Variants in ANKRD23 observed in about 807,000 individuals in gnomAD.
ANKRD23 encodes the protein ankyrin repeat domain 23.
In ANKRD23, 52 loss-of-function variants were observed where a neutral mutation model predicts 38.1. The observed-to-expected ratio is 1.36, with a 90% CI of 1.09 to 1.72. ANKRD23 has a LOEUF of 1.72. Ranked by LOEUF, ANKRD23 falls within the 40% of genes most tolerant of loss-of-function variation. ANKRD23 has a pLI of 0.00. For synonymous variants in ANKRD23, 167 were observed against 162.9 expected (o/e 1.03, Z -0.19); for missense variants, 416 against 400.2 (o/e 1.04, Z -0.34).
At position 96,838,291 on chromosome 2, in the gene ANKRD23, C is replaced by T; in HGVS notation, c.*1258G>A. 1.1e-6 allele frequency: 1 copy of T among 936,154 alleles called. No homozygotes were observed. The highest frequency in any genetic ancestry group is 1.3e-6 in the Non-Finnish European group (1 of 782,912). 58.0% of individuals were successfully genotyped at this position (936,154 alleles called of 1,614,324 possible). ...CTGAGCCTTCACCTTTCAGCCCTTC[C>T]CTCAGCATGTGGTTCTCAGTTTAGG... On this transcript the variant is annotated 3_prime_UTR_variant, in exon 9 of 9. Coordinates refer to ENST00000318357, the MANE Select transcript of ANKRD23 (RefSeq NM_144994.8).
In ANKRD23 at chr2:96,842,085, G is replaced by T; in HGVS notation, c.275C>A (p.Pro92His). 1.2e-6 allele frequency: 2 copies of T among 1,614,122 alleles called. No homozygotes were observed. The highest frequency in any genetic ancestry group is 3.3e-5 in the Admixed American group (2 of 60,022). The change falls in exon 3 of 9, where the codon CCC becomes CAC. Residue 92 changes from proline (P) to histidine (H), a missense_variant. Pro to His is a moderately conservative substitution (Grantham distance 77). Transcript: ENST00000318357. ...CTTAACCAGGGGCTCAGGTTTCCTG[G>T]GGGGGACTCTGTGTCTCAGTCGCTT... is the stretch of plus-strand genomic sequence containing the variant. The part of the protein sequence containing the change: ...RKKRLRHRVP[P>H]RKPEPLVKPQ...
In ANKRD23 at chr2:96,842,403, G is replaced by C. The variant is rs139314354; in HGVS notation, c.136C>G (p.Arg46Gly). Residue 46 changes from arginine to glycine, a missense_variant, in exon 2 of 9, where the codon CGG becomes GGG. Physicochemically the swap from Arg to Gly is moderately radical, Grantham distance 125. Transcript: ENST00000318357. ...TCTTCTTCCAATTTCAGCTTCTCCC[G>C]GGCCACAGCCTCTTGGGGGCCCCTC... is the stretch of plus-strand genomic sequence containing the variant. Reference protein sequence around the residue: ...WRRGPQEAVAREKLKLEEEKK... With the variant: ...WRRGPQEAVAGEKLKLEEEKK... 1.9e-6 allele frequency: 3 copies of C among 1,581,940 alleles called. No homozygotes were observed. Among genetic ancestry groups the C allele is most frequent in the Non-Finnish European group, 2.6e-6 (3 of 1,163,610 alleles).
rs944334849 is a variant in ANKRD23, at chr2:96,839,531, C to CG, written c.*17dup. ...AATGGTGGCAGTGCGAAAGGCGCGG[C>CG]GGGGGGCGGTGCTGCGGTCAGCACC... On this transcript the variant is annotated 3_prime_UTR_variant, in exon 9 of 9. Transcript: ENST00000318357. 11 of 1,427,954 alleles carry CG rather than the reference C, an allele frequency of 7.7e-6. No individual in the cohort carries two copies. Among genetic ancestry groups the CG allele is most frequent in the Middle Eastern group, 2.6e-4 (1 of 3,858 alleles). 88.5% of individuals were successfully genotyped at this position (1,427,954 alleles called of 1,614,324 possible). A position where few individuals can be genotyped will look rare whatever the true frequency, so the allele number is the denominator to read the frequency against.
intron 3 of ANKRD23, 83 bp from the exon 4 acceptor site, chr2:96,840,995 G>T: frequency 6.5e-7 from 1 of 1,550,240 alleles, no homozygotes; most frequent in Admixed American, 1.8e-5. Flanking sequence ...TCTGGCCCAC[G>T]GGTCCCATGC....
intron 1 of ANKRD23, among the ~76,000 whole-genome samples, 166 bp downstream of exon 1, chr2:96,843,799 CA>C (rs2079786177): frequency 6.6e-6 from 1 of 152,128 alleles, no homozygotes; most frequent in Non-Finnish European, 1.5e-5. Context: ...GGCAACACAG[CA>C]AGACTCCGTT....
chr2:96,839,596 G>T lies in ANKRD23; in HGVS notation c.871C>A (p.Arg291=). ...QLARDWQRGI[R]EALQAHVAHP... ...GCCACGTGGGCCTGCAGGGCCTCCC[G>T]GATGCCGCGCTGCCAGTCTCGAGCC... Residue 291 remains arginine, a synonymous_variant, in exon 9 of 9, where the codon CGG becomes AGG. Coordinates refer to ENST00000318357, the MANE Select transcript of ANKRD23 (RefSeq NM_144994.8). The T allele has an allele frequency of 6.7e-7, 1 of 1,486,072 alleles. No homozygotes were observed. Among genetic ancestry groups the T allele is most frequent in the Admixed American group, 2.4e-5 (1 of 42,286 alleles). The allele number at this position is 1,486,072 out of a possible 1,614,324, so 92.1% of individuals were successfully genotyped here.
At position 96,839,563 on chromosome 2, in the gene ANKRD23, G is replaced by A. The variant is rs533331557; in HGVS notation, c.904C>T (p.Arg302Cys). 297 of 1,462,252 alleles carry A rather than the reference G, an allele frequency of 2.0e-4. 1 individual carries two copies. The South Asian group carries it at 3.5e-3, about 17-fold the overall frequency. The allele number at this position is 1,462,252 out of a possible 1,614,324, so 90.6% of individuals were successfully genotyped here. ...EALQAHVAHPRTRC is the reference protein window; with the variant it reads ...EALQAHVAHPCTRC ...CGGTGCTGCGGTCAGCACCGGGTGC[G>A]GGGATGCGCCACGTGGGCCTGCAGG... The change falls in exon 9 of 9, where the codon CGC becomes TGC. Residue 302 changes from arginine to cysteine, a missense_variant. Transcript: ENST00000318357.
chr2:96,843,817 A>C (rs995022789), intron 1 of ANKRD23, 149 bp downstream of exon 1: 6 of 808,650 alleles, frequency 7.4e-6, no homozygotes, highest in Non-Finnish European at 1.1e-5. Context: ...CGTTTCAAAA[A>C]ATACAGATTT....
At chr2:96,842,039 T>A (rs2079767588) in intron 3 of ANKRD23, 21 bp downstream of exon 3, 1 of 1,613,198 alleles carries the variant, frequency 6.2e-7, no homozygotes, top group Admixed American at 1.7e-5. Flanking sequence ...TGCACTGCCC[T>A]AACCCCGACC....
intron 1 of ANKRD23, 152 bp from the exon 2 acceptor site, chr2:96,842,663 G>A: frequency 3.1e-6 from 3 of 970,920 alleles, no homozygotes; most frequent in Non-Finnish European, 2.9e-6. Flanking sequence ...CTGCAGTCCA[G>A]AGTGCTGGCA....
chr2:96,839,805 G>A lies in ANKRD23; in HGVS notation c.744C>T (p.His248=), dbSNP rs1431281861. The A allele has an allele frequency of 1.8e-5, 29 of 1,612,932 alleles. No individual in the cohort carries two copies. Among genetic ancestry groups the A allele is most frequent in the Non-Finnish European group, 2.4e-5 (28 of 1,179,844 alleles). ...AQDKEGDTAL[H]EAVRHGSYKA... ...TGTAGCTGCCGTGCCGCACGGCCTC[G>A]TGCAGAGCCGTGTCCCCTTCCTGCT... Residue 248 remains histidine (H), a synonymous_variant, in exon 8 of 9, where the codon CAC becomes CAT. Transcript: ENST00000318357.
chr2:96,838,245 C>T lies in ANKRD23; in HGVS notation c.*1304G>A, dbSNP rs913424321. 20 of 693,388 alleles carry T rather than the reference C, an allele frequency of 2.9e-5. No individual in the cohort carries two copies. The highest frequency in any genetic ancestry group is 3.0e-5 in the Non-Finnish European group (17 of 561,086). 43.0% of individuals were successfully genotyped at this position (693,388 alleles called of 1,614,324 possible). On this transcript the variant is annotated 3_prime_UTR_variant, in exon 9 of 9. Transcript: ENST00000318357. ...CAATCAGCCCGGTACCTAATGTAACCCAGGACCCATGTGAGGGAGGCTGAG... is the reference window on the plus strand; with the variant it reads ...CAATCAGCCCGGTACCTAATGTAACTCAGGACCCATGTGAGGGAGGCTGAG...
chr2:96,843,666 G>A (rs1380373197), intron 1 of ANKRD23, among the ~76,000 whole-genome samples: 9 of 152,060 alleles, frequency 5.9e-5, no homozygotes, highest in Admixed American at 6.6e-5. Context: ...CATGAGAACC[G>A]AGCAGACACA....
At position 96,842,193 on chromosome 2, in the gene ANKRD23, A is replaced by G. The variant is rs993742185; in HGVS notation, c.175-8T>C. 6.2e-7 allele frequency: 1 copy of G among 1,614,024 alleles called. No homozygotes were observed. The highest frequency in any genetic ancestry group is 8.5e-7 in the Non-Finnish European group (1 of 1,180,040). ...ACTGTTAAATCTTTCAAGCTGGGGCAGAAGACAAGACCATGCCAGCCATCA... is the reference window on the plus strand; with the variant it reads ...ACTGTTAAATCTTTCAAGCTGGGGCGGAAGACAAGACCATGCCAGCCATCA... On this transcript the variant is annotated splice_polypyrimidine_tract_variant and splice_region_variant and intron_variant, in intron 2 of 8. Transcript: ENST00000318357.
At chr2:96,842,339 A>G in intron 2 of ANKRD23, 26 bp downstream of exon 2, 1 of 1,067,688 alleles carries the variant, frequency 9.4e-7, no homozygotes, top group Non-Finnish European at 1.4e-6. Context: ...CACTGCCCCC[A>G]ACCCCGGCCC....
In ANKRD23 at chr2:96,842,529, G is replaced by A. The variant is rs2079773517; in HGVS notation, c.28-18C>T. ...CCACTTACCTGTAGGAACAGGATAT[G>A]AGTACTGAGTTGGGAAAATTGGAGG... On this transcript the variant is annotated intron_variant, in intron 1 of 8. Transcript: ENST00000318357. 1 of 1,595,652 alleles carries A rather than the reference G, an allele frequency of 6.3e-7. No homozygotes were observed. Among genetic ancestry groups the A allele is most frequent in the South Asian group, 1.1e-5 (1 of 88,620 alleles).
In ANKRD23 at chr2:96,842,421, G is replaced by A. The variant is rs778745482; in HGVS notation, c.118C>T (p.Pro40Ser). Residue 40 changes from proline to serine, a missense_variant, in exon 2 of 9, where the codon CCC (proline) becomes TCC (serine). Coordinates refer to ENST00000318357, the MANE Select transcript of ANKRD23 (RefSeq NM_144994.8). ...GAWPSDWRRG[P>S]QEAVAREKLK... ...TTCTCCCGGGCCACAGCCTCTTGGG[G>A]GCCCCTCCTCCAGTCACTAGGCCAG... The A allele has an allele frequency of 1.7e-5, 28 of 1,613,638 alleles. No homozygotes were observed. The highest frequency in any genetic ancestry group is 2.3e-5 in the Non-Finnish European group (27 of 1,180,008).
rs762667075 is a variant in ANKRD23 at position 96,843,948 on chromosome 2, T to A, written c.27+18A>T. The A allele has an allele frequency of 1.5e-5, 24 of 1,603,904 alleles. No individual in the cohort carries two copies. The highest frequency in any genetic ancestry group is 1.4e-4 in the East Asian group (6 of 43,762). ...AGCCGGTCCCAGGGTGCCTCCCACC[T>A]CCGTCCCACATCCTTACCAACTGCT... is the stretch of plus-strand genomic sequence containing the variant. On this transcript the variant is annotated intron_variant, in intron 1 of 8. Coordinates refer to ENST00000318357, the MANE Select transcript of ANKRD23 (RefSeq NM_144994.8).
intron 1 of ANKRD23, 110 bp from the exon 2 acceptor site, chr2:96,842,621 G>T: frequency 7.4e-7 from 1 of 1,353,678 alleles, no homozygotes; most frequent in Non-Finnish European, 9.9e-7. Context: ...TCACAAGGCT[G>T]GTGCCCGGGA....
Sources: allele counts gnomAD v4.1 joint callset (sites outside exome capture counted in the v4.1 genomes callset), GRCh38; gene constraint gnomAD v4.1.1; transcripts MANE v1.5; gene names NCBI Gene and HGNC (gene_info 2026-07-23, HGNC 2026-07-21).